The following LRRC43 variants were observed in gnomAD, a reference collection of about 807,000 sequenced individuals.
LRRC43 encodes leucine rich repeat containing 43.
In LRRC43, 62 loss-of-function variants were observed where a neutral mutation model predicts 64.3. The observed-to-expected ratio is 0.96, with a 90% confidence interval of 0.79 to 1.19. The LOEUF is 1.19. LRRC43 is among the 50% of genes most tolerant of loss of function. The pLI is 0.00. For missense variants in LRRC43, 868 were observed against 845.0 expected, an observed-to-expected ratio of 1.03 and a Z score of -0.34; for synonymous variants, 422 against 382.3, an observed-to-expected ratio of 1.10 and a Z score of -1.21.
At chr12:122,172,259 C>T (rs908237036) in intron 1 of LRRC43, 2 of 607,158 alleles carry the variant, frequency 3.3e-6, no homozygotes, top group Non-Finnish European at 5.8e-6. Flanking sequence ...ATTCACATCT[C>T]AGCCCTCCCG....
intron 1 of LRRC43, among the ~76,000 whole-genome samples, chr12:122,171,629 G>A (rs1593138236): frequency 1.3e-5 from 2 of 152,118 alleles, no homozygotes; most frequent in South Asian, 4.2e-4. Flanking sequence ...CCAAAGTGCT[G>A]GGATATCTGA....
At chr12:122,179,474 T>C (rs12828783), upstream of LRRC43, among the ~76,000 whole-genome samples, 82,153 of 151,842 alleles carry the variant, frequency 0.54, 23,169 homozygotes, top group African/African-American at 0.69. Context: ...AGTAGGCTGT[T>C]GGACGTGTGG....
chr12:122,189,432 G>A (rs1222327952), intron 4 of LRRC43: 6 of 456,576 alleles, frequency 1.3e-5, no homozygotes, highest in Admixed American at 2.3e-5. Flanking sequence ...GGCTGGGATT[G>A]GGAGATGCTG....
At chr12:122,193,166 G>A (rs1459194771) in intron 7 of LRRC43, among the ~76,000 whole-genome samples, 162 bp downstream of exon 7, 1 of 151,822 alleles carries the variant, frequency 6.6e-6, no homozygotes, top group Non-Finnish European at 1.5e-5. Context: ...GGATCACGAG[G>A]TCAGGAGATC....
Position 122,200,681 on chromosome 12 carries a change from G to A in LRRC43, c.1620+21G>A. On this transcript the variant is annotated intron_variant, in intron 9 of 11. Coordinates refer to ENST00000339777, the MANE Select transcript of LRRC43 (RefSeq NM_001098519.2). The surrounding 1 kb of genome is among the most constrained non-coding windows in gnomAD (Gnocchi z 4.6). ...CCAAGGTACCGGGCCTTGGTGCTGG[G>A]GAGGGCAGCCTGGCCACACCCTTGC... 6.2e-7 allele frequency: 1 copy of A among 1,613,548 alleles called. No homozygotes were observed. Among genetic ancestry groups the A allele is most frequent in the Non-Finnish European group, 8.5e-7 (1 of 1,179,892 alleles).
At chr12:122,187,910 G>C in intron 4 of LRRC43, 70 bp downstream of exon 4, 1 of 1,523,812 alleles carries the variant, frequency 6.6e-7, no homozygotes, top group Admixed American at 1.7e-5. Context: ...TTCTACCCCA[G>C]TGGCTTGAGA....
chr12:122,175,445 G>C (rs183335801), intron 1 of LRRC43, among the ~76,000 whole-genome samples: 208 of 151,832 alleles, frequency 1.4e-3, no homozygotes, highest in African/African-American at 4.9e-3. Context: ...GGGATTACAG[G>C]TGCGAGCCAC....
intron 11 of LRRC43, among the ~76,000 whole-genome samples, chr12:122,202,686 TA>T (rs1953856021): frequency 1.3e-5 from 2 of 152,220 alleles, no homozygotes; most frequent in African/African-American, 4.8e-5. Context: ...GGAAAATTGG[TA>T]AATTCATGGT....
intron 3 of LRRC43, chr12:122,187,458 C>T: frequency 2.2e-6 from 1 of 453,824 alleles, no homozygotes; most frequent in South Asian, 3.1e-5. Flanking sequence ...ACTGCCAATC[C>T]AGCATCACCC....
At chr12:122,174,025 TCA>T in intron 1 of LRRC43, 1 of 1,613,410 alleles carries the variant, frequency 6.2e-7, no homozygotes, top group Non-Finnish European at 8.5e-7. Context: ...AGCGCATACA[TCA>T]CACACCCCTG....
chr12:122,186,850 CA>C (rs908158512), intron 3 of LRRC43, among the ~76,000 whole-genome samples: 2 of 152,142 alleles, frequency 1.3e-5, no homozygotes, highest in African/African-American at 4.8e-5. Context: ...ACCCAGGAGG[CA>C]AGGGTTGCAG....
At chr12:122,194,874 C>T (rs1174616111) in intron 7 of LRRC43, among the ~76,000 whole-genome samples, 1 of 152,170 alleles carries the variant, frequency 6.6e-6, no homozygotes, top group Non-Finnish European at 1.5e-5. Flanking sequence ...GCCCAAACTA[C>T]AATTTTATAG....
intron 11 of LRRC43, chr12:122,202,324 T>C (rs1335978995): frequency 6.6e-6 from 1 of 151,822 alleles, no homozygotes; most frequent in Non-Finnish European, 1.5e-5. Context: ...ACAAAGAAAA[T>C]CCAACCTCAG....
intron 7 of LRRC43, among the ~76,000 whole-genome samples, chr12:122,195,564 G>A (rs1477622679): frequency 5.9e-5 from 9 of 152,026 alleles, no homozygotes; most frequent in South Asian, 2.1e-4. Flanking sequence ...TGAATATGTC[G>A]CCAGCCTGCC....
In LRRC43 at chr12:122,175,154, TTTTCTTTC is replaced by T. The variant is rs536364664; in HGVS notation, c.-406+7392_-406+7399del. Among the ~76,000 whole-genome samples, 118 of 151,112 alleles carry T rather than the reference TTTTCTTTC, an allele frequency of 7.8e-4. 1 individual carries two copies. The highest frequency in any genetic ancestry group is 2.6e-3 in the Admixed American group (40 of 15,154). The stretch of plus-strand genomic sequence containing the variant: ...TGCGCCAGCCTAGAAACTTTATTGC[TTTTCTTTC>T]TTTCTTTCTTTCTTTCTTTTTTTTT... On this transcript the variant is annotated intron_variant, in intron 1 of 5. Coordinates refer to the LRRC43 transcript ENST00000537729.
At position 122,169,688 on chromosome 12, in the gene LRRC43, C is replaced by T. The variant is rs989519069; in HGVS notation, c.-406+1906C>T. 6.7e-4 allele frequency among the ~76,000 whole-genome samples: 96 copies of T among 142,710 alleles called. 1 individual carries two copies. Among genetic ancestry groups the T allele is most frequent in the African/African-American group, 2.2e-3 (84 of 37,640 alleles). 93.6% of individuals were successfully genotyped at this position (142,710 alleles called of 152,430 possible). On this transcript the variant is annotated intron_variant, in intron 1 of 5. Transcript: ENST00000537729. ...CCGAGATCGTGCCACTGCACTCCAGCCTGGGCGACAGAGCGAGACTCCGTC... is the reference window on the plus strand; with the variant it reads ...CCGAGATCGTGCCACTGCACTCCAGTCTGGGCGACAGAGCGAGACTCCGTC...
chr12:122,190,968 T>C lies in LRRC43; in HGVS notation c.902-412T>C, dbSNP rs537407400. Among the ~76,000 whole-genome samples, 11 of 151,776 alleles carry C rather than the reference T, an allele frequency of 7.2e-5. No homozygotes were observed. In the South Asian group the frequency reaches 2.1e-3, roughly 29 times the overall value. On this transcript the variant is annotated intron_variant, in intron 5 of 11. Coordinates refer to ENST00000339777, the MANE Select transcript of LRRC43 (RefSeq NM_001098519.2). ...TGGCGACAGAGCGAGACCCCGTCTC[T>C]AAAAAAAATAAAAAGTCAAAACAAC...
chr12:122,194,524 C>G (rs544030182), intron 7 of LRRC43, among the ~76,000 whole-genome samples: 29 of 151,136 alleles, frequency 1.9e-4, no homozygotes, highest in Non-Finnish European at 4.0e-4. Context: ...CAGGATTGCA[C>G]CATTCCACTC....
chr12:122,173,974 A>G (rs1398637534), intron 1 of LRRC43: 1 of 1,614,120 alleles, frequency 6.2e-7, no homozygotes, highest in Admixed American at 1.7e-5. Context: ...GAACAGAAAG[A>G]GCACAGACGT....
Sources: gnomAD v4.1 joint callset for allele counts (sites outside exome capture counted in the v4.1 genomes callset) on GRCh38, gnomAD v4.1.1 for gene constraint, Gnocchi (gnomAD v3.1) non-coding constraint, MANE v1.5 for transcripts, NCBI Gene and HGNC (gene_info 2026-07-23, HGNC 2026-07-21) for gene names.